The following MRPS31 variants were observed in gnomAD, a reference collection of about 807,000 sequenced individuals.
MRPS31 encodes the protein small ribosomal subunit protein mS31.
MRPS31 carries 32 observed loss-of-function variants against 43.1 expected under a neutral mutation model. The observed-to-expected ratio is 0.74, with a 90% CI of 0.56 to 1.00. The LOEUF is 1.00. MRPS31 is among the 50% of genes least tolerant of loss of function. MRPS31 has a pLI of 0.00. For missense variants in MRPS31, 437 were observed against 466.7 expected, an observed-to-expected ratio of 0.94 and a Z score of 0.59; for synonymous variants, 165 against 161.6, an observed-to-expected ratio of 1.02 and a Z score of -0.16.
At chr13:40,731,509 C>A (rs893779192) in intron 6 of MRPS31, among the ~76,000 whole-genome samples, 73 of 149,370 alleles carry the variant, frequency 4.9e-4, no homozygotes, top group Admixed American at 2.2e-3. Context: ...TTGAACCTGG[C>A]AGGCAGAGGT....
chr13:40,738,101 G>A (rs1322809411), intron 6 of MRPS31, among the ~76,000 whole-genome samples: 2 of 151,916 alleles, frequency 1.3e-5, no homozygotes, highest in Non-Finnish European at 2.9e-5. Context: ...AACGATAAAG[G>A]GGATATCACC....
intron 1 of MRPS31, 146 bp downstream of exon 1, chr13:40,770,839 G>C: frequency 1.9e-6 from 2 of 1,053,330 alleles, no homozygotes; most frequent in South Asian, 2.9e-5. Flanking sequence ...CGCACACTAT[G>C]ACCTTGGGCA....
chr13:40,753,923 TG>T, intron 5 of MRPS31, 95 bp downstream of exon 5: 1 of 798,518 alleles, frequency 1.3e-6, no homozygotes, highest in Non-Finnish European at 2.0e-6. Flanking sequence ...AATGACAGAA[TG>T]GAATATTAAA....
chr13:40,757,537 C>T (rs775579890), intron 3 of MRPS31, among the ~76,000 whole-genome samples: 21 of 149,550 alleles, frequency 1.4e-4, no homozygotes, highest in East Asian at 6.0e-4. Context: ...CTCTGCCTCC[C>T]GGGTTCAAGC....
chr13:40,751,620 C>T (rs544584198), intron 5 of MRPS31, among the ~76,000 whole-genome samples: 1 of 152,280 alleles, frequency 6.6e-6, no homozygotes, highest in African/African-American at 2.4e-5. Context: ...ATAACTCATT[C>T]AATCAGTCAA....
chr13:40,746,980 T>C (rs1008385944), intron 6 of MRPS31, among the ~76,000 whole-genome samples: 4 of 152,298 alleles, frequency 2.6e-5, no homozygotes, highest in South Asian at 2.1e-4. Context: ...ATCAAGTCTG[T>C]AACTTACTCA....
In MRPS31 at chr13:40,729,591, A is replaced by C; in HGVS notation, c.969T>G (p.Asp323Glu). ...FPINNEAGFDDDGSEFHEHIF... is the reference protein window; with the variant it reads ...FPINNEAGFDEDGSEFHEHIF... ...TATGTTCATGAAATTCTGAACCATC[A>C]TCATCAAAACCTAGGAAATGAGACC... The change falls in exon 7 of 7, where the codon GAT becomes GAG. Residue 323 changes from aspartate (D) to glutamate (E), a missense_variant. Transcript: ENST00000323563. The C allele has an allele frequency of 6.2e-7, 1 of 1,610,632 alleles. No homozygotes were observed.
chr13:40,770,288 G>A (rs1309017722), intron 1 of MRPS31, among the ~76,000 whole-genome samples: 1 of 152,108 alleles, frequency 6.6e-6, no homozygotes, highest in Non-Finnish European at 1.5e-5. Flanking sequence ...GTTACGCATG[G>A]AATTTATGCA....
At position 40,766,969 on chromosome 13, in the gene MRPS31, G is replaced by A. The variant is rs1244500429; in HGVS notation, c.217C>T (p.Gln73Ter). The stretch of plus-strand genomic sequence containing the variant: ...GAAGTCTCCTCAGTTCGAACAGACT[G>A]CTTATCTTTCTTGCTACAGATCACA... The part of the protein sequence containing the change: ...NSVICSKKDK[Q>*]SVRTEETSKE... Residue 73 changes from glutamine (Q) to a stop codon, truncating the protein, a stop_gained, in exon 2 of 7, where the codon CAG (glutamine) becomes TAG (stop). Transcript: ENST00000323563. LOFTEE classifies it high-confidence loss of function. 2 of 1,613,974 alleles carry A rather than the reference G, an allele frequency of 1.2e-6. No individual in the cohort carries two copies. The highest frequency in any genetic ancestry group is 1.7e-5 in the Admixed American group (1 of 60,000).
Position 40,729,589 on chromosome 13 carries a change from T to C in MRPS31, c.971A>G (p.Asp324Gly), listed in dbSNP as rs557779396. 2 of 1,610,614 alleles carry C rather than the reference T, an allele frequency of 1.2e-6. No individual in the cohort carries two copies. Among genetic ancestry groups the C allele is most frequent in the African/African-American group, 2.7e-5 (2 of 74,960 alleles). ...PINNEAGFDD[D>G]GSEFHEHIFL... Reference sequence around the variant, plus strand: ...TATATGTTCATGAAATTCTGAACCATCATCATCAAAACCTAGGAAATGAGA... The same window carrying C: ...TATATGTTCATGAAATTCTGAACCACCATCATCAAAACCTAGGAAATGAGA... The change falls in exon 7 of 7, where the codon GAT becomes GGT. Residue 324 changes from aspartate (D) to glycine (G), a missense_variant. By Grantham distance (94) the Asp-to-Gly change is moderately conservative. Transcript: ENST00000323563.
chr13:40,753,878 TA>T, intron 5 of MRPS31, 140 bp downstream of exon 5: 1 of 617,640 alleles, frequency 1.6e-6, no homozygotes, highest in Non-Finnish European at 2.8e-6. Flanking sequence ...GTTTTCCTTG[TA>T]ACAACCGCCA....
intron 3 of MRPS31, among the ~76,000 whole-genome samples, chr13:40,757,713 G>C (rs1880569666): frequency 6.7e-6 from 1 of 148,852 alleles, no homozygotes; most frequent in Admixed American, 6.7e-5. Context: ...CACAGTGCTG[G>C]GATTACAGGC....
intron 6 of MRPS31, among the ~76,000 whole-genome samples, chr13:40,746,388 T>C (rs1193040751): frequency 6.6e-6 from 1 of 152,194 alleles, no homozygotes; most frequent in Non-Finnish European, 1.5e-5. Flanking sequence ...CCATAGTCCT[T>C]TCCTGTTTTT....
At chr13:40,732,578 T>G (rs1427547216) in intron 6 of MRPS31, among the ~76,000 whole-genome samples, 1 of 151,838 alleles carries the variant, frequency 6.6e-6, no homozygotes, top group Non-Finnish European at 1.5e-5. Context: ...TACAAAACAT[T>G]TGAAAATTAG....
In MRPS31 at chr13:40,762,183, G is replaced by A. The variant is rs182209080; in HGVS notation, c.441-3077C>T. Among the ~76,000 whole-genome samples the A allele has an allele frequency of 5.9e-5, 9 of 152,044 alleles. No individual in the cohort carries two copies. The East Asian group carries it at 7.7e-4, about 13-fold the overall frequency. On this transcript the variant is annotated intron_variant, in intron 2 of 6. Coordinates refer to ENST00000323563, the MANE Select transcript of MRPS31 (RefSeq NM_005830.4). ...ATTGCTTGAGCCCAGAGGTAGAGGC[G>A]ATTGTGCCACTGCACTCAAGCCTGG...
At chr13:40,730,368 C>CA (rs1168037960) in intron 6 of MRPS31, among the ~76,000 whole-genome samples, 1 of 151,162 alleles carries the variant, frequency 6.6e-6, no homozygotes, top group African/African-American at 2.4e-5. Context: ...CTAAAAATAC[C>CA]AAAAAAATTA....
intron 6 of MRPS31, among the ~76,000 whole-genome samples, chr13:40,735,589 C>T (rs917699374): frequency 1.8e-4 from 27 of 151,966 alleles, no homozygotes; most frequent in South Asian, 4.2e-4. Flanking sequence ...GATCTGAGAA[C>T]GGGCAGACTG....
intron 2 of MRPS31, among the ~76,000 whole-genome samples, chr13:40,766,268 C>T (rs956187477): frequency 2.0e-5 from 3 of 151,976 alleles, no homozygotes; most frequent in African/African-American, 7.3e-5. Flanking sequence ...AATACAATAA[C>T]AGCATTTCTC....
At chr13:40,737,718 A>G (rs1221473432) in intron 6 of MRPS31, among the ~76,000 whole-genome samples, 1 of 152,244 alleles carries the variant, frequency 6.6e-6, no homozygotes, top group Admixed American at 6.5e-5. Flanking sequence ...AGGCAGAAAT[A>G]AAGATGTTCT....
Sources: allele counts gnomAD v4.1 joint callset (sites outside exome capture counted in the v4.1 genomes callset), GRCh38; gene constraint gnomAD v4.1.1; transcripts MANE v1.5; gene names NCBI Gene and HGNC (gene_info 2026-07-23, HGNC 2026-07-21).